The following MEIKIN variants were observed in gnomAD, a reference collection of about 807,000 sequenced individuals.
MEIKIN encodes the protein meiotic kinetochore factor.
chr5:131,865,794 T>C (rs977127653), intron 9 of MEIKIN, among the ~76,000 whole-genome samples: 1 of 152,266 alleles, frequency 6.6e-6, no homozygotes, highest in African/African-American at 2.4e-5. Context: ...TTTCTTTGGC[T>C]GTAAACAGCA....
chr5:131,850,477 A>T (rs186671373), intron 11 of MEIKIN, among the ~76,000 whole-genome samples: 1 of 152,232 alleles, frequency 6.6e-6, no homozygotes, highest in Non-Finnish European at 1.5e-5. Flanking sequence ...TAACATAAAG[A>T]CAGACATATA....
At chr5:131,924,812 T>C (rs1751562835) in intron 5 of MEIKIN, among the ~76,000 whole-genome samples, 2 of 152,214 alleles carry the variant, frequency 1.3e-5, no homozygotes, top group African/African-American at 2.4e-5. Context: ...ATTGTTTCTT[T>C]TGCTGTGCAG....
At chr5:131,858,674 A>C (rs573097690) in intron 9 of MEIKIN, among the ~76,000 whole-genome samples, 1 of 152,352 alleles carries the variant, frequency 6.6e-6, no homozygotes, top group African/African-American at 2.4e-5. Flanking sequence ...AAATATTTGC[A>C]AACTATGCAT....
At chr5:131,874,168 G>C (rs1406512062) in intron 9 of MEIKIN, among the ~76,000 whole-genome samples, 5 of 152,072 alleles carry the variant, frequency 3.3e-5, no homozygotes, top group Non-Finnish European at 7.4e-5. Context: ...AGGAAATAGA[G>C]ACACAAAAAA....
chr5:131,817,835 T>C (rs151337904), intron 12 of MEIKIN, among the ~76,000 whole-genome samples: 1 of 152,302 alleles, frequency 6.6e-6, no homozygotes, highest in African/African-American at 2.4e-5. Flanking sequence ...TTGGTTGAAT[T>C]GAAGCTGTAC....
At chr5:131,898,555 C>A (rs1045375961) in intron 8 of MEIKIN, among the ~76,000 whole-genome samples, 1 of 152,220 alleles carries the variant, frequency 6.6e-6, no homozygotes, top group Non-Finnish European at 1.5e-5. Flanking sequence ...ACGCAGTAAG[C>A]CTTGCTGAGC....
chr5:131,894,241 C>A (rs952605582), intron 8 of MEIKIN, among the ~76,000 whole-genome samples: 1 of 152,120 alleles, frequency 6.6e-6, no homozygotes, highest in East Asian at 1.9e-4. Flanking sequence ...GGCCTCTGTT[C>A]TGTTCCATTG....
chr5:131,845,600 C>T (rs1750005152), intron 11 of MEIKIN, among the ~76,000 whole-genome samples: 1 of 89,668 alleles, frequency 1.1e-5, no homozygotes, highest in Non-Finnish European at 2.3e-5. Context: ...AAACAGAAAA[C>T]CTCAAAAGAA....
chr5:131,838,047 T>C (rs1749841397), intron 11 of MEIKIN, among the ~76,000 whole-genome samples: 3 of 152,330 alleles, frequency 2.0e-5, no homozygotes, highest in Middle Eastern at 3.4e-3. Flanking sequence ...TCTAGTTTAT[T>C]GATAATTTTT....
rs957659021 is a variant in MEIKIN at position 131,935,762 on chromosome 5, T to C, written c.350-2121A>G. On this transcript the variant is annotated intron_variant, in intron 4 of 12. Transcript: ENST00000442687. Reference sequence around the variant, plus strand: ...TCCTCCTAAGACCTCATCACAACTTTTTCTCCTATGCCAACTCCCTTGTTA... The same window carrying C: ...TCCTCCTAAGACCTCATCACAACTTCTTCTCCTATGCCAACTCCCTTGTTA... Among the ~76,000 whole-genome samples the C allele has an allele frequency of 4.6e-5, 7 of 152,326 alleles. No individual in the cohort carries two copies. In the South Asian group the frequency reaches 8.3e-4, roughly 18 times the overall value.
At chr5:131,926,656 G>A (rs551053330) in intron 5 of MEIKIN, among the ~76,000 whole-genome samples, 3 of 152,218 alleles carry the variant, frequency 2.0e-5, no homozygotes, top group South Asian at 4.1e-4. Flanking sequence ...GAAGCCATCT[G>A]GTCCTGGATT....
chr5:131,813,360 G>A (rs1773036034), intron 12 of MEIKIN, among the ~76,000 whole-genome samples: 1 of 152,052 alleles, frequency 6.6e-6, no homozygotes, highest in Non-Finnish European at 1.5e-5. Flanking sequence ...CCAGTGGGCA[G>A]AACTGAGAGG....
At chr5:131,934,930 C>T (rs1751748314) in intron 4 of MEIKIN, among the ~76,000 whole-genome samples, 1 of 151,936 alleles carries the variant, frequency 6.6e-6, no homozygotes, top group African/African-American at 2.4e-5. Context: ...GCAACATGCA[C>T]CTGTAGTCTC....
chr5:131,906,720 G>C (rs906889935), intron 8 of MEIKIN, among the ~76,000 whole-genome samples: 1 of 152,072 alleles, frequency 6.6e-6, no homozygotes. Context: ...CAGCAGTAAC[G>C]CAGATAAATC....
chr5:131,821,728 C>T (rs1219842384), intron 11 of MEIKIN, among the ~76,000 whole-genome samples: 5 of 149,226 alleles, frequency 3.4e-5, no homozygotes, highest in Non-Finnish European at 7.4e-5. Context: ...TCACCGCAGC[C>T]TTAACCTCCT....
chr5:131,808,582 C>T (rs949826427), intron 12 of MEIKIN, among the ~76,000 whole-genome samples: 1 of 152,098 alleles, frequency 6.6e-6, no homozygotes, highest in East Asian at 1.9e-4. Context: ...ATCCCTGAGG[C>T]GATTACTTGG....
At chr5:131,871,776 G>T (rs1313702171) in intron 9 of MEIKIN, among the ~76,000 whole-genome samples, 1 of 152,172 alleles carries the variant, frequency 6.6e-6, no homozygotes, top group Non-Finnish European at 1.5e-5. Flanking sequence ...ACCTCACACA[G>T]CCGGGTACTC....
At chr5:131,904,327 A>G (rs1021424574) in intron 8 of MEIKIN, among the ~76,000 whole-genome samples, 1 of 152,242 alleles carries the variant, frequency 6.6e-6, no homozygotes, top group Non-Finnish European at 1.5e-5. Flanking sequence ...GATCTAATAG[A>G]TATCTACAGA....
intron 11 of MEIKIN, among the ~76,000 whole-genome samples, chr5:131,842,559 C>G (rs6886188): frequency 6.6e-6 from 1 of 151,956 alleles, no homozygotes; most frequent in African/African-American, 2.4e-5. Flanking sequence ...AATGATAATA[C>G]GTTTTTTCTT....
Sources: gnomAD v4.1 joint callset for allele counts (sites outside exome capture counted in the v4.1 genomes callset) on GRCh38, gnomAD v4.1.1 for gene constraint, MANE v1.5 for transcripts, NCBI Gene and HGNC (gene_info 2026-07-23, HGNC 2026-07-21) for gene names.